Variants in NSL1 observed in about 807,000 individuals in gnomAD.
NSL1 encodes the protein kinetochore-associated protein NSL1 homolog.
A neutral mutation model predicts 25.4 loss-of-function variants in NSL1; 11 were observed. The ratio of observed to expected loss-of-function variants is 0.43; its 90% CI spans 0.27 to 0.72. The LOEUF (loss-of-function observed/expected upper bound fraction) is 0.72, where lower values mean the gene tolerates loss of function less well. Ranked by LOEUF, NSL1 falls within the 30% of genes least tolerant of loss-of-function variation. NSL1 has a pLI of 0.19. For synonymous variants in NSL1, 118 were observed against 120.6 expected (o/e 0.98, Z 0.14); for missense variants, 330 against 342.7 (o/e 0.96, Z 0.29).
chr1:212,754,351 G>C (rs938697957), intron 4 of NSL1, among the ~76,000 whole-genome samples: 1 of 152,174 alleles, frequency 6.6e-6, no homozygotes, highest in Non-Finnish European at 1.5e-5. Flanking sequence ...GAAGTAGCCA[G>C]GAATTGGCCT....
At chr1:212,774,940 T>C (rs1660287493) in intron 4 of NSL1, among the ~76,000 whole-genome samples, 1 of 152,226 alleles carries the variant, frequency 6.6e-6, no homozygotes, top group Non-Finnish European at 1.5e-5. Context: ...GTAAAATGTC[T>C]GTACATTCTA....
In NSL1 at chr1:212,765,573, C is replaced by G. The variant is rs567893805; in HGVS notation, c.499+16799G>C. Among the ~76,000 whole-genome samples the G allele has an allele frequency of 3.3e-5, 5 of 152,260 alleles. No homozygotes were observed. The South Asian group carries it at 6.2e-4, about 19-fold the overall frequency. On this transcript the variant is annotated intron_variant, in intron 4 of 5. Coordinates refer to ENST00000366977, the MANE Select transcript of NSL1 (RefSeq NM_015471.4). ...GAGTGGCTTATGCCTATAATCCCAG[C>G]ACTTTGGGAGGCTGAGACAGGCAGA... is the stretch of plus-strand genomic sequence containing the variant.
At chr1:212,780,049 T>A (rs1307407464) in intron 4 of NSL1, among the ~76,000 whole-genome samples, 1 of 151,408 alleles carries the variant, frequency 6.6e-6, no homozygotes, top group African/African-American at 2.4e-5. Context: ...ATGGCGGTTT[T>A]GTGGAATAGA....
chr1:212,777,355 T>C (rs775518118), intron 4 of NSL1, among the ~76,000 whole-genome samples: 2 of 151,374 alleles, frequency 1.3e-5, no homozygotes, highest in Admixed American at 6.6e-5. Context: ...TCAGCCTGGG[T>C]GGCTTCAGCC....
At chr1:212,766,169 T>C (rs1461677535) in intron 4 of NSL1, 2 of 516,984 alleles carry the variant, frequency 3.9e-6, no homozygotes, top group South Asian at 2.4e-5. Flanking sequence ...CTCAACAAAC[T>C]AGGCAAAGAA....
In NSL1 at chr1:212,727,500, T is replaced by A; in HGVS notation, c.*10908A>T. 1.0e-6 allele frequency: 1 copy of A among 985,434 alleles called. No individual in the cohort carries two copies. The highest frequency in any genetic ancestry group is 1.2e-6 in the Non-Finnish European group (1 of 829,918). 61.0% of individuals were successfully genotyped at this position (985,434 alleles called of 1,614,324 possible). ...AACTAAAACGATTCCTTTTGCAATT[T>A]AGGTTAATATCATAACTATACCACT... On this transcript the variant is annotated 3_prime_UTR_variant, in exon 6 of 6. Coordinates refer to ENST00000366977, the MANE Select transcript of NSL1 (RefSeq NM_015471.4).
chr1:212,780,517 G>GA (rs35100292), intron 4 of NSL1, among the ~76,000 whole-genome samples: 22 of 133,098 alleles, frequency 1.7e-4, no homozygotes, highest in South Asian at 2.3e-4. Context: ...AAAAAAAAAG[G>GA]AAAAAAAAAA....
chr1:212,757,230 C>CA (rs1381595340), intron 4 of NSL1, among the ~76,000 whole-genome samples: 2 of 152,022 alleles, frequency 1.3e-5, no homozygotes, highest in Non-Finnish European at 2.9e-5. Flanking sequence ...TGAACACTGT[C>CA]AGAGATGAGA....
chr1:212,729,714 T>A lies in NSL1; in HGVS notation c.*8694A>T. Reference sequence around the variant, plus strand: ...AAGGAAATGAAGCAAGATACCAAGGTCAAATCCTCCTCTCTTTTCCTTTTT... The same window carrying A: ...AAGGAAATGAAGCAAGATACCAAGGACAAATCCTCCTCTCTTTTCCTTTTT... On this transcript the variant is annotated 3_prime_UTR_variant, in exon 6 of 6. Transcript: ENST00000366977. 1.0e-6 allele frequency: 1 copy of A among 985,398 alleles called. No homozygotes were observed. Among genetic ancestry groups the A allele is most frequent in the Non-Finnish European group, 1.2e-6 (1 of 829,932 alleles). The allele number at this position is 985,398 out of a possible 1,614,324, so 61.0% of individuals were successfully genotyped here.
chr1:212,730,373 G>T lies in NSL1; in HGVS notation c.*8035C>A. On this transcript the variant is annotated 3_prime_UTR_variant, in exon 6 of 6. Coordinates refer to ENST00000366977, the MANE Select transcript of NSL1 (RefSeq NM_015471.4). ...CAGAAATGGACAAAAGAACTCCAAT[G>T]ACATCATTGTAGAAGATGTGGGCCA... The T allele has an allele frequency of 1.0e-6, 1 of 984,474 alleles. No homozygotes were observed. Among genetic ancestry groups the T allele is most frequent in the Non-Finnish European group, 1.2e-6 (1 of 829,778 alleles). 61.0% of individuals were successfully genotyped at this position (984,474 alleles called of 1,614,324 possible).
chr1:212,787,683 T>C (rs912837493), intron 1 of NSL1, 46 bp from the exon 2 acceptor site: 1 of 1,354,620 alleles, frequency 7.4e-7, no homozygotes. Context: ...TAATTTTAAA[T>C]ACTAAATTCA....
intron 4 of NSL1, among the ~76,000 whole-genome samples, chr1:212,779,978 C>T (rs1476801514): frequency 6.6e-6 from 1 of 151,784 alleles, no homozygotes; most frequent in African/African-American, 2.4e-5. Flanking sequence ...CCCCTCTGCC[C>T]GGCCGCCACC....
chr1:212,775,918 C>T (rs1204352759), intron 4 of NSL1, among the ~76,000 whole-genome samples: 1 of 151,916 alleles, frequency 6.6e-6, no homozygotes, highest in African/African-American at 2.4e-5. Flanking sequence ...AGCTCCGCCT[C>T]CCAGGTTCAC....
At chr1:212,751,726 A>C (rs932918944) in intron 4 of NSL1, among the ~76,000 whole-genome samples, 2 of 152,182 alleles carry the variant, frequency 1.3e-5, no homozygotes, top group African/African-American at 2.4e-5. Context: ...TTTTAAAGAC[A>C]AAAGAAGGAA....
intron 4 of NSL1, among the ~76,000 whole-genome samples, chr1:212,770,469 G>A (rs1008310160): frequency 7.3e-5 from 11 of 150,798 alleles, no homozygotes; most frequent in African/African-American, 2.4e-4. Context: ...ATTGAACCAG[G>A]AAAAAAACAA....
Position 212,732,667 on chromosome 1 carries a change from T to C in NSL1, c.*5741A>G, listed in dbSNP as rs1256655150. On this transcript the variant is annotated 3_prime_UTR_variant, in exon 6 of 6. Coordinates refer to ENST00000366977, the MANE Select transcript of NSL1 (RefSeq NM_015471.4). ...TTAGTTAGTAGCCTGTAGACTCGAG[T>C]GTGCTGTGTTTTGGGAGCCTTAGTT... 7.1e-6 allele frequency: 7 copies of C among 985,144 alleles called. No homozygotes were observed. Among genetic ancestry groups the C allele is most frequent in the Non-Finnish European group, 8.4e-6 (7 of 829,874 alleles). The allele number at this position is 985,144 out of a possible 1,614,324, so 61.0% of individuals were successfully genotyped here. A position where few individuals can be genotyped will look rare whatever the true frequency, so the allele number is the denominator to read the frequency against.
intron 4 of NSL1, among the ~76,000 whole-genome samples, chr1:212,768,838 C>T (rs555196779): frequency 6.6e-6 from 1 of 152,094 alleles, no homozygotes; most frequent in African/African-American, 2.4e-5. Flanking sequence ...ATCCATGTAA[C>T]CAAAAACCAC....
chr1:212,758,669 G>C (rs932322116), intron 4 of NSL1, among the ~76,000 whole-genome samples: 1 of 152,190 alleles, frequency 6.6e-6, no homozygotes, highest in Non-Finnish European at 1.5e-5. Flanking sequence ...CCATTATTCA[G>C]GGATCAGAAA....
intron 4 of NSL1, chr1:212,766,123 G>C: frequency 2.2e-6 from 1 of 445,476 alleles, no homozygotes. Flanking sequence ...GCGACAGAGC[G>C]AGACTCCATC....
Sources: gnomAD v4.1 joint callset for allele counts (sites outside exome capture counted in the v4.1 genomes callset) on GRCh38, gnomAD v4.1.1 for gene constraint, MANE v1.5 for transcripts, NCBI Gene and HGNC (gene_info 2026-07-23, HGNC 2026-07-21) for gene names.